HMCN1: variants seen among roughly 807,000 people sequenced by gnomAD.
HMCN1 encodes the protein hemicentin-1.
In HMCN1, 321 loss-of-function variants were observed where a neutral mutation model predicts 625.9. The observed-to-expected ratio is 0.51, with a 90% CI of 0.47 to 0.56. The LOEUF (loss-of-function observed/expected upper bound fraction) is 0.56. Ranked by LOEUF, HMCN1 falls within the 20% of genes least tolerant of loss-of-function variation. HMCN1 has a pLI of 0.00. For missense variants in HMCN1, 6,588 were observed against 6,887.3 expected (o/e 0.96, Z 1.54); for synonymous variants, 2,425 against 2,417.6 (o/e 1.00, Z -0.09).
chr1:185,959,893 T>A (rs1429775881), intron 11 of HMCN1, among the ~76,000 whole-genome samples: 1 of 152,230 alleles, frequency 6.6e-6, no homozygotes, highest in Non-Finnish European at 1.5e-5. Context: ...GGTTCTTTAA[T>A]TCCATGTTCT....
intron 66 of HMCN1, 121 bp downstream of exon 66, chr1:186,093,790 TTAAGTA>T (rs1659975034): frequency 1.5e-6 from 2 of 1,330,714 alleles, no homozygotes; most frequent in South Asian, 1.3e-5. Context: ...TTTTTTCCCT[TTAAGTA>T]TATTTTTAGT....
chr1:186,014,241 C>T (rs2102127386), intron 30 of HMCN1, among the ~76,000 whole-genome samples: 1 of 151,786 alleles, frequency 6.6e-6, no homozygotes, highest in Non-Finnish European at 1.5e-5. Flanking sequence ...ATCAAATATT[C>T]TATTCTAAAA....
chr1:186,029,577 C>A (rs1275866460), intron 36 of HMCN1, among the ~76,000 whole-genome samples: 2 of 150,302 alleles, frequency 1.3e-5, no homozygotes, highest in Non-Finnish European at 3.0e-5. Flanking sequence ...CGGTAATGAC[C>A]CCTCTTTCAT....
intron 1 of HMCN1, among the ~76,000 whole-genome samples, chr1:185,822,426 C>T (rs1660250060): frequency 6.6e-6 from 1 of 151,992 alleles, no homozygotes; most frequent in South Asian, 2.1e-4. Flanking sequence ...TTCCAGGAAA[C>T]TGAGAGGCCC....
intron 1 of HMCN1, among the ~76,000 whole-genome samples, chr1:185,844,332 A>G (rs989161086): frequency 6.6e-6 from 1 of 152,122 alleles, no homozygotes; most frequent in African/African-American, 2.4e-5. Context: ...CCTTTTTCAA[A>G]CTGCAAAGTG....
At chr1:185,795,758 CT>C (rs1658329020) in intron 1 of HMCN1, among the ~76,000 whole-genome samples, 2 of 152,202 alleles carry the variant, frequency 1.3e-5, no homozygotes, top group African/African-American at 4.8e-5. Flanking sequence ...ACACCGATTT[CT>C]TCCTCTTAGT....
chr1:185,959,025 A>G (rs1274586648), intron 11 of HMCN1, among the ~76,000 whole-genome samples: 1 of 152,194 alleles, frequency 6.6e-6, no homozygotes, highest in Admixed American at 6.6e-5. Flanking sequence ...TGTCTGAAAC[A>G]TTGTCGGTAC....
At chr1:186,084,500 G>A (rs940308442) in intron 57 of HMCN1, among the ~76,000 whole-genome samples, 1 of 151,964 alleles carries the variant, frequency 6.6e-6, no homozygotes, top group Non-Finnish European at 1.5e-5. Context: ...CATTTGAGGG[G>A]AAATAATGTA....
chr1:186,088,316 T>G (rs752329422), intron 62 of HMCN1, 40 bp downstream of exon 62: 1 of 1,611,364 alleles, frequency 6.2e-7, no homozygotes. Context: ...GTGTGTTTTT[T>G]TCTCTTGCTC....
At chr1:185,835,650 G>A (rs1007774166) in intron 1 of HMCN1, among the ~76,000 whole-genome samples, 1 of 151,822 alleles carries the variant, frequency 6.6e-6, no homozygotes, top group African/African-American at 2.4e-5. Flanking sequence ...CTTCATATTA[G>A]AAGTATTTAA....
rs756026391 is a variant in HMCN1, at chr1:185,990,368, G to T, written c.3302G>T (p.Cys1101Phe). ...GCAGGGGAAGAGGTAACACTTCCAT[G>T]TGAAGTGAAGAGCTTACCTCCACCC... Reference protein sequence around the residue: ...VLAGEEVTLPCEVKSLPPPII... With the variant: ...VLAGEEVTLPFEVKSLPPPII... The change falls in exon 22 of 107, where the codon TGT becomes TTT. Residue 1101 changes from cysteine to phenylalanine, a missense_variant. This residue lies in a region of HMCN1 where 4,628 missense variants were observed against 4,853.1 expected (regional missense o/e 0.95). Transcript: ENST00000271588. 1.2e-6 allele frequency: 2 copies of T among 1,612,684 alleles called. No individual in the cohort carries two copies. Among genetic ancestry groups the T allele is most frequent in the Non-Finnish European group, 1.7e-6 (2 of 1,178,822 alleles).
At chr1:185,847,329 A>T (rs1661883676) in intron 2 of HMCN1, among the ~76,000 whole-genome samples, 1 of 152,008 alleles carries the variant, frequency 6.6e-6, no homozygotes, top group Non-Finnish European at 1.5e-5. Flanking sequence ...ACTCAAATGG[A>T]CTCTTAATAC....
Position 186,044,081 on chromosome 1 carries a change from CAAAAAA to C in HMCN1, c.6305-1606_6305-1601del, listed in dbSNP as rs1186681898. Among the ~76,000 whole-genome samples, 4 of 151,886 alleles carry C rather than the reference CAAAAAA, an allele frequency of 2.6e-5. No individual in the cohort carries two copies. The East Asian group carries it at 7.7e-4, about 29-fold the overall frequency. ...GGGCAACAAGAGCAAAACTTCTTCT[CAAAAAA>C]GAAAAAGGAAAGAAAGTGGCACTAA... On this transcript the variant is annotated intron_variant, in intron 40 of 106. Transcript: ENST00000271588.
At chr1:186,108,622 A>G (rs1410747979) in intron 71 of HMCN1, 25 bp downstream of exon 71, 3 of 1,613,852 alleles carry the variant, frequency 1.9e-6, no homozygotes, top group Admixed American at 1.7e-5. Context: ...AAGCTCCACA[A>G]ATTCCTTTTT....
Position 185,788,237 on chromosome 1 carries a change from A to G in HMCN1, c.268+53190A>G, listed in dbSNP as rs865875213. 2.0e-5 allele frequency among the ~76,000 whole-genome samples: 3 copies of G among 152,228 alleles called. No individual in the cohort carries two copies. The South Asian group carries it at 6.2e-4, about 31-fold the overall frequency. On this transcript the variant is annotated intron_variant, in intron 1 of 106. Transcript: ENST00000271588. ...ACCGACACAAAGAGGACATAGCTTCATTTATGCATTTATTTAAGTGGCATT... is the reference window on the plus strand; with the variant it reads ...ACCGACACAAAGAGGACATAGCTTCGTTTATGCATTTATTTAAGTGGCATT...
intron 84 of HMCN1, 52 bp from the exon 85 acceptor site, chr1:186,130,451 CAAAG>C (rs1343417483): frequency 6.5e-7 from 1 of 1,545,676 alleles, no homozygotes; most frequent in African/African-American, 1.4e-5. Context: ...TCAAAGATCA[CAAAG>C]AAATTATCAG....
At chr1:185,960,940 C>A (rs910087065) in intron 11 of HMCN1, among the ~76,000 whole-genome samples, 2 of 152,088 alleles carry the variant, frequency 1.3e-5, no homozygotes, top group Non-Finnish European at 2.9e-5. Context: ...CAGATGGAAT[C>A]ACAATTTGAA....
At chr1:185,774,854 T>A (rs1441322842) in intron 1 of HMCN1, among the ~76,000 whole-genome samples, 1 of 152,136 alleles carries the variant, frequency 6.6e-6, no homozygotes, top group African/African-American at 2.4e-5. Context: ...TGGGAATTAA[T>A]AATGGTTAGA....
At chr1:186,161,011 T>G (rs983611621) in intron 97 of HMCN1, among the ~76,000 whole-genome samples, 9 of 152,276 alleles carry the variant, frequency 5.9e-5, no homozygotes, top group Admixed American at 1.3e-4. Context: ...GTCTAATGTT[T>G]ACAGGGGGTG....
Sources: gnomAD v4.1 joint callset for allele counts (sites outside exome capture counted in the v4.1 genomes callset) on GRCh38, gnomAD v4.1.1 for gene constraint, gnomAD v4.1.1 regional missense constraint, MANE v1.5 for transcripts, NCBI Gene and HGNC (gene_info 2026-07-23, HGNC 2026-07-21) for gene names.